The following HMCN1 variants were observed in gnomAD, a reference collection of about 807,000 sequenced individuals.
The protein encoded by HMCN1 is hemicentin-1.
Under a neutral mutation model 625.9 loss-of-function variants are expected in HMCN1, and 321 were observed. The observed-to-expected ratio is 0.51, with a 90% CI of 0.47 to 0.56. HMCN1 has a LOEUF of 0.56. Ranked by LOEUF, HMCN1 falls within the 20% of genes least tolerant of loss-of-function variation. HMCN1 has a pLI of 0.00. For synonymous variants in HMCN1, 2,425 were observed against 2,417.6 expected, an observed-to-expected ratio of 1.00 and a Z score of -0.09; for missense variants, 6,588 against 6,887.3, an observed-to-expected ratio of 0.96 and a Z score of 1.54.
intron 4 of HMCN1, among the ~76,000 whole-genome samples, chr1:185,891,679 C>G (rs541714266): frequency 6.8e-6 from 1 of 148,026 alleles, no homozygotes; most frequent in East Asian, 1.9e-4. Flanking sequence ...CCGAGAGATC[C>G]GCTGTTAGTC....
At chr1:185,928,744 G>T in intron 10 of HMCN1, 77 bp downstream of exon 10, 1 of 1,462,466 alleles carries the variant, frequency 6.8e-7, no homozygotes, top group Non-Finnish European at 9.6e-7. Context: ...TAACCAGTTT[G>T]TGTTTATACA....
chr1:186,106,945 A>G lies in HMCN1; in HGVS notation c.10832A>G (p.Glu3611Gly). The part of the protein sequence containing the change: ...ASSPAGDDDK[E>G]YLVRVHVPPN... ...AGTCCTGCAGGAGATGATGATAAGG[A>G]ATATCTAGTGAGAGTGCATGGTAAA... Residue 3611 changes from glutamate to glycine, a missense_variant, in exon 70 of 107, where the codon GAA becomes GGA. By Grantham distance (98) the Glu-to-Gly change is moderately conservative. Coordinates refer to ENST00000271588, the MANE Select transcript of HMCN1 (RefSeq NM_031935.3). The G allele has an allele frequency of 6.2e-7, 1 of 1,610,470 alleles. No individual in the cohort carries two copies. The highest frequency in any genetic ancestry group is 1.1e-5 in the South Asian group (1 of 91,012).
At chr1:185,811,413 G>T (rs1659507350) in intron 1 of HMCN1, among the ~76,000 whole-genome samples, 1 of 151,872 alleles carries the variant, frequency 6.6e-6, no homozygotes, top group Non-Finnish European at 1.5e-5. Flanking sequence ...GATATAGTGA[G>T]ACCTCAGCTC....
At chr1:186,023,888 T>C (rs1654885677) in intron 36 of HMCN1, among the ~76,000 whole-genome samples, 1 of 152,218 alleles carries the variant, frequency 6.6e-6, no homozygotes, top group Admixed American at 6.5e-5. Flanking sequence ...AGCACCTAGC[T>C]TAATTCCAGG....
At chr1:185,768,463 A>G (rs1003124356) in intron 1 of HMCN1, among the ~76,000 whole-genome samples, 17 of 152,190 alleles carry the variant, frequency 1.1e-4, no homozygotes, top group African/African-American at 3.4e-4. Flanking sequence ...AAGCAGAAAC[A>G]AAAGGTAGGT....
Position 185,963,844 on chromosome 1 carries a change from G to A in HMCN1, c.2047G>A (p.Ala683Thr), listed in dbSNP as rs1431518500. Residue 683 changes from alanine (A) to threonine (T), a missense_variant, in exon 13 of 107, where the codon GCA (alanine) becomes ACA (threonine). By Grantham distance (58) the Ala-to-Thr change is moderately conservative (BLOSUM62 0). Around this residue, in one of 3 missense-constraint regions of HMCN1, gnomAD observed 4,628 missense variants for 4,853.1 expected, o/e 0.95. Coordinates refer to ENST00000271588, the MANE Select transcript of HMCN1 (RefSeq NM_031935.3). Reference protein sequence around the residue: ...PKDAGIYGCLASNSAGTDKQN... With the variant: ...PKDAGIYGCLTSNSAGTDKQN... The stretch of plus-strand genomic sequence containing the variant: ...AGATGCAGGGATCTATGGTTGCCTA[G>A]CAAGTAATTCAGCTGGAACAGATAA... The A allele has an allele frequency of 6.2e-7, 1 of 1,612,104 alleles. No individual in the cohort carries two copies. The highest frequency in any genetic ancestry group is 8.5e-7 in the Non-Finnish European group (1 of 1,178,484).
intron 18 of HMCN1, among the ~76,000 whole-genome samples, chr1:185,983,390 C>T (rs947874008): frequency 6.6e-6 from 1 of 151,890 alleles, no homozygotes; most frequent in Non-Finnish European, 1.5e-5. Flanking sequence ...CGTGCCACTG[C>T]ACTCCAGCCT....
chr1:186,091,376 T>A (rs529274315), intron 64 of HMCN1, among the ~76,000 whole-genome samples: 43 of 152,190 alleles, frequency 2.8e-4, no homozygotes, highest in African/African-American at 9.9e-4. Flanking sequence ...AATTGGCTCC[T>A]TTTGAGAAAA....
Position 186,052,526 on chromosome 1 carries a change from T to C in HMCN1, c.6578-426T>C, listed in dbSNP as rs147859853. Among the ~76,000 whole-genome samples, 444 of 152,192 alleles carry C rather than the reference T, an allele frequency of 2.9e-3. 3 individuals are homozygous for C. Among genetic ancestry groups the C allele is most frequent in the African/African-American group, 0.01 (416 of 41,544 alleles). The stretch of plus-strand genomic sequence containing the variant: ...CCTCTGTTCTTTAGTATATGTTGTA[T>C]GCCTTATGTTTCCAGTTCTGTTCAC... On this transcript the variant is annotated intron_variant, in intron 42 of 106. Coordinates refer to ENST00000271588, the MANE Select transcript of HMCN1 (RefSeq NM_031935.3).
At chr1:185,882,109 T>C (rs888315057) in intron 4 of HMCN1, among the ~76,000 whole-genome samples, 6 of 152,202 alleles carry the variant, frequency 3.9e-5, no homozygotes, top group Non-Finnish European at 7.4e-5. Context: ...TTAATGACTT[T>C]TTTTGAGAAA....
At chr1:186,129,817 A>G in intron 83 of HMCN1, 149 bp from the exon 84 acceptor site, 2 of 903,178 alleles carry the variant, frequency 2.2e-6, no homozygotes, top group Non-Finnish European at 3.6e-6. Flanking sequence ...GCTCAGATGA[A>G]GAAATGTGGA....
intron 86 of HMCN1, among the ~76,000 whole-genome samples, chr1:186,135,790 C>T (rs1372422618): frequency 6.6e-6 from 1 of 152,156 alleles, no homozygotes; most frequent in Non-Finnish European, 1.5e-5. Context: ...TTTCCAGTGG[C>T]ATGCTTTTGT....
intron 93 of HMCN1, 104 bp downstream of exon 93, chr1:186,146,027 T>TTG: frequency 8.9e-7 from 1 of 1,122,810 alleles, no homozygotes; most frequent in Non-Finnish European, 1.3e-6. Context: ...GAGGTGGAAT[T>TTG]AGAAAAAAAA....
chr1:186,004,009 A>C (rs1322857807), intron 29 of HMCN1, among the ~76,000 whole-genome samples, 165 bp downstream of exon 29: 1 of 152,126 alleles, frequency 6.6e-6, no homozygotes, highest in Non-Finnish European at 1.5e-5. Flanking sequence ...AAGTCTTGTA[A>C]TTTTTTCATT....
chr1:186,179,689 C>G (rs900086168), intron 104 of HMCN1, among the ~76,000 whole-genome samples: 1 of 152,162 alleles, frequency 6.6e-6, no homozygotes, highest in African/African-American at 2.4e-5. Context: ...GGAAAGCGTT[C>G]TACACTTTGC....
Position 186,152,860 on chromosome 1 carries a change from G to A in HMCN1, c.15007G>A (p.Val5003Ile), listed in dbSNP as rs1650761642. 3 of 1,613,794 alleles carry A rather than the reference G, an allele frequency of 1.9e-6. No homozygotes were observed. ...YVLQLQSPAEVTVKDYTEDYI... is the reference protein window; with the variant it reads ...YVLQLQSPAEITVKDYTEDYI... Reference sequence around the variant, plus strand: ...CCTACAGCTTCAGTCACCTGCTGAAGTCACTGTAAAGGTAAAATGCCAGGA... The same window carrying A: ...CCTACAGCTTCAGTCACCTGCTGAAATCACTGTAAAGGTAAAATGCCAGGA... Residue 5003 changes from valine to isoleucine, a missense_variant, in exon 96 of 107, where the codon GTC (valine) becomes ATC (isoleucine). Val to Ile is a conservative substitution (Grantham distance 29). Around this residue, in one of 3 missense-constraint regions of HMCN1, gnomAD observed 1,954 missense variants for 2,013.1 expected, o/e 0.97. Coordinates refer to ENST00000271588, the MANE Select transcript of HMCN1 (RefSeq NM_031935.3).
intron 1 of HMCN1, among the ~76,000 whole-genome samples, chr1:185,780,396 A>C (rs956883583): frequency 1.3e-5 from 2 of 151,982 alleles, no homozygotes; most frequent in East Asian, 1.9e-4. Context: ...TGAATAGGAG[A>C]GGTGAGAGAG....
At chr1:186,184,343 T>A (rs1422421631) in intron 105 of HMCN1, among the ~76,000 whole-genome samples, 4 of 152,232 alleles carry the variant, frequency 2.6e-5, no homozygotes, top group Non-Finnish European at 4.4e-5. Context: ...TATTTGCATA[T>A]GATTTTTTGA....
intron 80 of HMCN1, among the ~76,000 whole-genome samples, chr1:186,122,641 TAAAGA>T (rs1425553739): frequency 1.3e-5 from 2 of 152,234 alleles, no homozygotes; most frequent in African/African-American, 2.4e-5. Context: ...TTATGTAAGT[TAAAGA>T]AAATATTTTT....
Sources: gnomAD v4.1 joint callset for allele counts (sites outside exome capture counted in the v4.1 genomes callset) on GRCh38, gnomAD v4.1.1 for gene constraint, gnomAD v4.1.1 regional missense constraint, MANE v1.5 for transcripts, NCBI Gene and HGNC (gene_info 2026-07-23, HGNC 2026-07-21) for gene names.